The following P2RY8 variants were observed in gnomAD, a reference collection of about 807,000 sequenced individuals.
P2RY8 encodes P2Y receptor family member 8.
In P2RY8, 6 loss-of-function variants were observed where a neutral mutation model predicts 10.0. The observed-to-expected ratio is 0.60, with a 90% CI of 0.33 to 1.19. P2RY8 has a LOEUF of 1.19. P2RY8 is among the 50% of genes most tolerant of loss of function. The pLI is 0.04. For missense variants in P2RY8, 456 were observed against 542.0 expected (o/e 0.84, Z 1.58); for synonymous variants, 276 against 252.5 (o/e 1.09, Z -0.88).
chrX:1,491,770 C>T (rs1179002718), intron 1 of P2RY8, among the ~76,000 whole-genome samples: 3 of 151,446 alleles, frequency 2.0e-5, no homozygotes, highest in East Asian at 1.9e-4. Flanking sequence ...CAATGAGTGA[C>T]GGAATGTGTG....
At chrX:1,501,583 A>AT (rs1252396263) in intron 1 of P2RY8, among the ~76,000 whole-genome samples, 1 of 151,420 alleles carries the variant, frequency 6.6e-6, no homozygotes, top group Non-Finnish European at 1.5e-5. Flanking sequence ...CTTAGTTTTC[A>AT]TTTTTATTTT....
chrX:1,533,078 T>A (rs1603458786), intron 1 of P2RY8, among the ~76,000 whole-genome samples: 1 of 144,210 alleles, frequency 6.9e-6, no homozygotes, highest in Non-Finnish European at 1.5e-5. Flanking sequence ...CTTTGGGAAC[T>A]CCAGGGCAAA....
chrX:1,517,374 T>C (rs2092359148), intron 1 of P2RY8, among the ~76,000 whole-genome samples: 1 of 152,078 alleles, frequency 6.6e-6, no homozygotes, highest in African/African-American at 2.4e-5. Context: ...AGAATCAAGG[T>C]CTGGCTTTTA....
At chrX:1,521,818 C>T (rs2092393658) in intron 1 of P2RY8, among the ~76,000 whole-genome samples, 1 of 151,994 alleles carries the variant, frequency 6.6e-6, no homozygotes, top group Non-Finnish European at 1.5e-5. Flanking sequence ...TGACGGACAA[C>T]CTCCTAATTC....
At chrX:1,508,557 CTATT>C (rs1471198343) in intron 1 of P2RY8, among the ~76,000 whole-genome samples, 1 of 152,102 alleles carries the variant, frequency 6.6e-6, no homozygotes, top group Non-Finnish European at 1.5e-5. Context: ...AGCCATCCAT[CTATT>C]TATCTCTCTA....
chrX:1,487,078 C>T (rs2091993343), intron 1 of P2RY8, among the ~76,000 whole-genome samples: 1 of 152,244 alleles, frequency 6.6e-6, no homozygotes, highest in Non-Finnish European at 1.5e-5. Flanking sequence ...CAAGCCTTCC[C>T]TGTCTGTGGT....
intron 1 of P2RY8, among the ~76,000 whole-genome samples, chrX:1,482,272 T>A (rs1280411687): frequency 2.8e-5 from 4 of 144,302 alleles, no homozygotes; most frequent in African/African-American, 1.1e-4. Context: ...TTAAGCTAAT[T>A]AACATGAAAT....
At chrX:1,535,535 T>C (rs1427211913) in intron 1 of P2RY8, among the ~76,000 whole-genome samples, 2 of 151,854 alleles carry the variant, frequency 1.3e-5, no homozygotes, top group Admixed American at 6.6e-5. Flanking sequence ...AAGTGGGCTA[T>C]GCAAGGAGGA....
At chrX:1,467,443 C>T (rs2091702711) in intron 1 of P2RY8, among the ~76,000 whole-genome samples, 1 of 152,154 alleles carries the variant, frequency 6.6e-6, no homozygotes, top group South Asian at 2.1e-4. Flanking sequence ...ATGCACGAGT[C>T]AGCACCGCTC....
At chrX:1,522,235 G>A (rs1424982554) in intron 1 of P2RY8, among the ~76,000 whole-genome samples, 8 of 151,370 alleles carry the variant, frequency 5.3e-5, no homozygotes, top group African/African-American at 9.7e-5. Context: ...GATGACAGGC[G>A]TGAGCCACCA....
chrX:1,470,135 G>C (rs1466601621), intron 1 of P2RY8, among the ~76,000 whole-genome samples: 1 of 152,122 alleles, frequency 6.6e-6, no homozygotes, highest in African/African-American at 2.4e-5. Flanking sequence ...GAGGCAGGTG[G>C]ATCACCTGAG....
intron 1 of P2RY8, among the ~76,000 whole-genome samples, chrX:1,477,298 T>TCAATCATCTATCAATCAGA (rs1556675970): frequency 0.53 from 80,383 of 151,840 alleles, 21,500 homozygotes; most frequent in South Asian, 0.65. Flanking sequence ...TCTATCTATA[T>TCAATCATCTATCAATCAGA]CAATCGTCTT....
intron 1 of P2RY8, among the ~76,000 whole-genome samples, chrX:1,527,606 C>T (rs1439504509): frequency 6.6e-6 from 1 of 152,132 alleles, no homozygotes; most frequent in African/African-American, 2.4e-5. Context: ...GTTCATCCAT[C>T]CATCCATTTA....
chrX:1,510,330 A>G (rs1486968140), intron 1 of P2RY8, among the ~76,000 whole-genome samples: 4 of 152,174 alleles, frequency 2.6e-5, no homozygotes, highest in Admixed American at 6.6e-5. Flanking sequence ...CAGTGTCCTC[A>G]CTAATACAAG....
At chrX:1,466,805 C>A (rs779887275) in intron 1 of P2RY8, among the ~76,000 whole-genome samples, 16 of 136,304 alleles carry the variant, frequency 1.2e-4, no homozygotes, top group African/African-American at 4.2e-4. Flanking sequence ...TTCTTTTCTT[C>A]TTTCCTGTCT....
rs201777711 is a variant in P2RY8, at chrX:1,511,686, A to AT, written c.-25+25234dup. 9.0e-3 allele frequency among the ~76,000 whole-genome samples: 1,367 copies of AT among 152,174 alleles called. 20 individuals carry two copies. Among genetic ancestry groups the AT allele is most frequent in the African/African-American group, 0.031 (1,298 of 41,522 alleles). On this transcript the variant is annotated intron_variant, in intron 1 of 1. Transcript: ENST00000381297. ...AGACAGGAGCCACCTTGCCCAACCA[A>AT]TCTCGTGATTTTAAGTTGACACCTT...
At chrX:1,502,004 G>A (rs112403187) in intron 1 of P2RY8, among the ~76,000 whole-genome samples, 5,553 of 152,100 alleles carry the variant, frequency 0.037, 334 homozygotes, top group African/African-American at 0.12. Context: ...TCCGCCTCCC[G>A]GGTTCAAACG....
chrX:1,509,225 ATTTATC>A (rs2092271205), intron 1 of P2RY8, among the ~76,000 whole-genome samples: 2 of 146,702 alleles, frequency 1.4e-5, no homozygotes, highest in African/African-American at 5.0e-5. Context: ...CCATCCATCT[ATTTATC>A]TCTCTATCAT....
At chrX:1,495,548 G>T (rs2092107631) in intron 1 of P2RY8, among the ~76,000 whole-genome samples, 1 of 148,884 alleles carries the variant, frequency 6.7e-6, no homozygotes, top group South Asian at 2.1e-4. Context: ...CTGGATCTCA[G>T]ACCTCCAGCC....
Sources: gnomAD v4.1 joint callset for allele counts (sites outside exome capture counted in the v4.1 genomes callset) on GRCh38, gnomAD v4.1.1 for gene constraint, MANE v1.5 for transcripts, NCBI Gene and HGNC (gene_info 2026-07-23, HGNC 2026-07-21) for gene names.